Variants in CAST observed in about 807,000 individuals in gnomAD.
CAST encodes the protein MIR583 host.
CAST carries 76 observed loss-of-function variants against 119.6 expected under a neutral mutation model. The ratio of observed to expected loss-of-function variants is 0.64; its 90% CI spans 0.53 to 0.77. The LOEUF is 0.77. Ranked by LOEUF, CAST falls within the 30% of genes least tolerant of loss-of-function variation. The probability of loss-of-function intolerance (pLI) is 0.00; values close to 1 mark genes in which losing one functional copy is unlikely to be tolerated. For synonymous variants in CAST, 319 were observed against 331.6 expected, an observed-to-expected ratio of 0.96 and a Z score of 0.41; for missense variants, 953 against 946.5, an observed-to-expected ratio of 1.01 and a Z score of -0.09.
the CAST span, among the ~76,000 whole-genome samples, chr5:96,168,623 T>C: frequency 6.0e-4 from 91 of 152,186 alleles, no homozygotes; most frequent in Admixed American, 1.0e-3. Context: ...TTAGGCCTGG[T>C]GGAACTGCCA....
the CAST span, among the ~76,000 whole-genome samples, chr5:96,348,456 G>A: frequency 6.6e-6 from 1 of 151,900 alleles, no homozygotes; most frequent in Non-Finnish European, 1.5e-5. Flanking sequence ...AAGACTCTAG[G>A]GAAAAAGATT....
At chr5:96,154,200 C>A in the CAST span, among the ~76,000 whole-genome samples, 1 of 151,850 alleles carries the variant, frequency 6.6e-6, no homozygotes, top group Non-Finnish European at 1.5e-5. Context: ...ATGGTGTGAA[C>A]CTGGGAGGCA....
At chr5:96,707,925 A>G (rs1316336948) in intron 3 of CAST, among the ~76,000 whole-genome samples, 3 of 152,126 alleles carry the variant, frequency 2.0e-5, no homozygotes, top group Admixed American at 1.3e-4. Context: ...CCTCCTGCAC[A>G]TACTGTTTCC....
At chr5:96,542,084 G>A (rs965153386) in intron 1 of CAST, among the ~76,000 whole-genome samples, 1 of 152,164 alleles carries the variant, frequency 6.6e-6, no homozygotes, top group South Asian at 2.1e-4. Flanking sequence ...GCTGAGGCGG[G>A]TGGATCACGA....
the CAST span, among the ~76,000 whole-genome samples, chr5:96,011,516 A>C: frequency 1.3e-3 from 195 of 152,292 alleles, no homozygotes; most frequent in African/African-American, 4.6e-3. Flanking sequence ...GCTCAATCAC[A>C]ATTATTAGTG....
the CAST span, among the ~76,000 whole-genome samples, chr5:96,273,794 C>T: frequency 6.6e-6 from 1 of 152,274 alleles, no homozygotes; most frequent in South Asian, 2.1e-4. Context: ...TATCTCTTCA[C>T]TGGTCTGTTC....
At chr5:96,471,031 A>G in the CAST span, among the ~76,000 whole-genome samples, 1 of 152,116 alleles carries the variant, frequency 6.6e-6, no homozygotes, top group East Asian at 1.9e-4. Flanking sequence ...GACATTCCTT[A>G]CAATAGTCCT....
the CAST span, among the ~76,000 whole-genome samples, chr5:96,048,362 C>G: frequency 1.3e-5 from 2 of 152,004 alleles, no homozygotes; most frequent in Non-Finnish European, 2.9e-5. Flanking sequence ...AGAGTGATGC[C>G]AGAGATGACC....
At chr5:96,161,597 T>G in the CAST span, among the ~76,000 whole-genome samples, 480 of 152,312 alleles carry the variant, frequency 3.2e-3, 1 homozygote, top group Non-Finnish European at 3.8e-3. Flanking sequence ...CAAGATTGTT[T>G]TGGCTGTTCT....
chr5:96,668,078 T>A (rs908309624), intron 1 of CAST, among the ~76,000 whole-genome samples: 1 of 152,216 alleles, frequency 6.6e-6, no homozygotes, highest in Non-Finnish European at 1.5e-5. Context: ...ATCATTGGTG[T>A]CAATAATTGT....
At chr5:96,071,102 G>C in the CAST span, among the ~76,000 whole-genome samples, 4 of 152,150 alleles carry the variant, frequency 2.6e-5, no homozygotes, top group East Asian at 7.7e-4. Context: ...CCAAGATCAC[G>C]ACCCATTTAG....
chr5:96,536,395 C>G lies in CAST; in HGVS notation c.60+6515C>G, dbSNP rs139998492. ...TAAAAGGAGGAGGACAGTGGAACAA[C>G]AGTATCCAAAGGCAGTGAGATGTTG... On this transcript the variant is annotated intron_variant, in intron 1 of 11. Coordinates refer to the CAST transcript ENST00000505143. Among the ~76,000 whole-genome samples the G allele has an allele frequency of 7.2e-3, 1,101 of 152,198 alleles. 24 individuals carry two copies. Among genetic ancestry groups the G allele is most frequent in the African/African-American group, 0.025 (1,028 of 41,514 alleles).
the CAST span, among the ~76,000 whole-genome samples, chr5:96,464,916 C>T: frequency 3.0e-4 from 45 of 152,112 alleles, no homozygotes; most frequent in African/African-American, 1.0e-3. Context: ...CCACTTAAAT[C>T]TTAGGCACAG....
At chr5:96,617,668 A>AGACACCT (rs1747492018) in intron 1 of CAST, among the ~76,000 whole-genome samples, 1 of 151,466 alleles carries the variant, frequency 6.6e-6, no homozygotes, top group Non-Finnish European at 1.5e-5. Context: ...GGTGGGTGCC[A>AGACACCT]GTAGTCCCAG....
At chr5:96,230,025 G>A in the CAST span, among the ~76,000 whole-genome samples, 1 of 152,160 alleles carries the variant, frequency 6.6e-6, no homozygotes, top group African/African-American at 2.4e-5. Flanking sequence ...TGACAAAGCA[G>A]ACACTTTCTT....
the CAST span, among the ~76,000 whole-genome samples, chr5:96,269,771 C>T: frequency 3.3e-5 from 5 of 152,060 alleles, no homozygotes; most frequent in African/African-American, 1.2e-4. Context: ...AGTATCGCAT[C>T]AAAGAAAAGC....
the CAST span, among the ~76,000 whole-genome samples, chr5:96,198,993 A>G: frequency 6.6e-6 from 1 of 152,158 alleles, no homozygotes; most frequent in African/African-American, 2.4e-5. Flanking sequence ...TAAACACAGA[A>G]GAGGTGAAGG....
At chr5:96,707,989 T>G (rs908119059) in intron 3 of CAST, among the ~76,000 whole-genome samples, 1 of 152,194 alleles carries the variant, frequency 6.6e-6, no homozygotes, top group African/African-American at 2.4e-5. Context: ...ATAGAATCAC[T>G]TATACATTTT....
rs1387079288 is a variant in CAST, at chr5:96,773,588, G to C, written c.*972G>C. On this transcript the variant is annotated 3_prime_UTR_variant, in exon 32 of 32. Coordinates refer to ENST00000675179, the MANE Select transcript of CAST (RefSeq NM_001750.7). Reference sequence around the variant, plus strand: ...TTACCAAATATAAAAAGAAACTTCTGCTTTTAAAAAAATTATATATATATA... The same window carrying C: ...TTACCAAATATAAAAAGAAACTTCTCCTTTTAAAAAAATTATATATATATA... 4.0e-5 allele frequency: 6 copies of C among 151,604 alleles called. No homozygotes were observed. The South Asian group carries it at 1.2e-3, about 32-fold the overall frequency. The allele number at this position is 151,604 out of a possible 1,614,324, so 9.4% of individuals were successfully genotyped here.
Sources: gnomAD v4.1 joint callset for allele counts (sites outside exome capture counted in the v4.1 genomes callset) on GRCh38, gnomAD v4.1.1 for gene constraint, MANE v1.5 for transcripts, NCBI Gene and HGNC (gene_info 2026-07-23, HGNC 2026-07-21) for gene names.